Variants in CEP112 observed in about 807,000 individuals in gnomAD.
CEP112 encodes the protein centrosomal protein of 112 kDa.
A neutral mutation model predicts 153.0 loss-of-function variants in CEP112; 127 were observed. That is an observed-to-expected ratio of 0.83 (90% CI 0.72 to 0.96). The LOEUF (loss-of-function observed/expected upper bound fraction) is 0.96, where lower values mean the gene tolerates loss of function less well. Ranked by LOEUF, CEP112 falls within the 40% of genes least tolerant of loss-of-function variation. The pLI is 0.00. For missense variants in CEP112, 1,089 were observed against 1,101.2 expected (o/e 0.99, Z 0.16); for synonymous variants, 358 against 374.4 (o/e 0.96, Z 0.51).
intron 19 of CEP112, among the ~76,000 whole-genome samples, chr17:65,912,398 G>A (rs1423275266): frequency 6.6e-6 from 1 of 152,076 alleles, no homozygotes; most frequent in African/African-American, 2.4e-5. Context: ...CCTACTGTCG[G>A]CCCCGGAATA....
At chr17:65,947,055 T>C (rs1392907262) in intron 18 of CEP112, among the ~76,000 whole-genome samples, 1 of 152,200 alleles carries the variant, frequency 6.6e-6, no homozygotes, top group Non-Finnish European at 1.5e-5. Flanking sequence ...AAAATTTACT[T>C]GTATATTTAT....
Position 65,916,289 on chromosome 17 carries a change from G to GTGTGTGTGTGTGTATA in CEP112, c.1980+11292_1980+11293insTATACACACACACACA, listed in dbSNP as rs777844271. On this transcript the variant is annotated intron_variant, in intron 19 of 26. Transcript: ENST00000535342. ...TGTGTGTGTGTGTGTGTGTGTGTGT[G>GTGTGTGTGTGTGTATA]TGTATGTGTGGTAGGAGTAGTGGTG... 3.1e-4 allele frequency among the ~76,000 whole-genome samples: 46 copies of GTGTGTGTGTGTGTATA among 147,240 alleles called. 1 individual carries two copies. The highest frequency in any genetic ancestry group is 6.8e-5 in the Admixed American group (1 of 14,672).
chr17:65,831,417 C>T (rs1374935650), intron 21 of CEP112, among the ~76,000 whole-genome samples: 9 of 151,900 alleles, frequency 5.9e-5, no homozygotes, highest in East Asian at 3.9e-4. Flanking sequence ...ATTAGCTGGG[C>T]GTGGTGGTGG....
At chr17:66,006,741 C>G (rs1255732062) in intron 16 of CEP112, among the ~76,000 whole-genome samples, 1 of 152,090 alleles carries the variant, frequency 6.6e-6, no homozygotes, top group Admixed American at 6.5e-5. Context: ...AGGAATCAAA[C>G]AGCAGCCATG....
intron 18 of CEP112, among the ~76,000 whole-genome samples, chr17:65,937,583 C>G (rs1327625472): frequency 4.6e-5 from 4 of 87,026 alleles, no homozygotes; most frequent in African/African-American, 7.9e-5. Flanking sequence ...GGTCAGCCCC[C>G]CACCCGGCCA....
At chr17:66,001,435 T>A (rs73342667) in intron 17 of CEP112, among the ~76,000 whole-genome samples, 10,220 of 152,258 alleles carry the variant, frequency 0.067, 1,091 homozygotes, top group African/African-American at 0.22. Flanking sequence ...CTACTGTACA[T>A]ATACTTAATA....
At chr17:65,972,464 C>T (rs192613982) in intron 17 of CEP112, among the ~76,000 whole-genome samples, 108 of 152,228 alleles carry the variant, frequency 7.1e-4, no homozygotes, top group Non-Finnish European at 1.2e-3. Context: ...AAAACAATGG[C>T]ATTAGCTTTC....
At chr17:66,118,284 G>C (rs549429882) in intron 6 of CEP112, among the ~76,000 whole-genome samples, 1 of 152,208 alleles carries the variant, frequency 6.6e-6, no homozygotes, top group African/African-American at 2.4e-5. Flanking sequence ...ATTCACAGTA[G>C]CCAAGATATG....
At chr17:66,099,772 C>G (rs2068491751) in intron 6 of CEP112, among the ~76,000 whole-genome samples, 1 of 152,058 alleles carries the variant, frequency 6.6e-6, no homozygotes, top group African/African-American at 2.4e-5. Flanking sequence ...AAATCAAAAC[C>G]TGCCAGCAGA....
At chr17:66,088,845 T>TG (rs1031733701) in intron 8 of CEP112, among the ~76,000 whole-genome samples, 1 of 152,040 alleles carries the variant, frequency 6.6e-6, no homozygotes, top group Admixed American at 6.6e-5. Context: ...CTCAGGCCCC[T>TG]GGCCTGTCCC....
intron 17 of CEP112, among the ~76,000 whole-genome samples, chr17:65,998,057 A>G (rs932311686): frequency 1.3e-5 from 2 of 152,132 alleles, no homozygotes; most frequent in Admixed American, 6.6e-5. Flanking sequence ...ATTTGGTGCC[A>G]TGAGAGATCT....
At chr17:65,695,163 A>G (rs529317815) in intron 23 of CEP112, among the ~76,000 whole-genome samples, 1 of 152,350 alleles carries the variant, frequency 6.6e-6, no homozygotes, top group African/African-American at 2.4e-5. Context: ...AGAAAAATGT[A>G]AACGACATAA....
In CEP112 at chr17:65,912,396, C is replaced by T. The variant is rs576324091; in HGVS notation, c.1981-10062G>A. On this transcript the variant is annotated intron_variant, in intron 19 of 26. Transcript: ENST00000535342. ...GTTCCATAGCAGCATCTCCTACTGT[C>T]GGCCCCGGAATACAGAGGAAACCAC... Among the ~76,000 whole-genome samples, 70 of 152,258 alleles carry T rather than the reference C, an allele frequency of 4.6e-4. No homozygotes were observed. In the South Asian group the frequency reaches 0.014, roughly 31 times the overall value.
intron 20 of CEP112, among the ~76,000 whole-genome samples, chr17:65,865,438 T>C (rs560622022): frequency 1.3e-5 from 2 of 152,304 alleles, no homozygotes; most frequent in East Asian, 3.9e-4. Flanking sequence ...CGTACTATAT[T>C]GAGGAGGGCA....
At chr17:65,835,850 A>G (rs372613902) in intron 21 of CEP112, among the ~76,000 whole-genome samples, 1 of 152,242 alleles carries the variant, frequency 6.6e-6, no homozygotes, top group African/African-American at 2.4e-5. Flanking sequence ...GGAAGCACTT[A>G]AACCACTATG....
chr17:65,905,075 A>G (rs1443099745), intron 19 of CEP112, among the ~76,000 whole-genome samples: 1 of 152,216 alleles, frequency 6.6e-6, no homozygotes, highest in Non-Finnish European at 1.5e-5. Context: ...ACCAAAAGCA[A>G]TGGCAACAAA....
chr17:65,985,872 A>G (rs2063389333), intron 17 of CEP112, among the ~76,000 whole-genome samples: 1 of 151,608 alleles, frequency 6.6e-6, no homozygotes, highest in South Asian at 2.1e-4. Context: ...TAAGAAATCA[A>G]GTTTCAAAGT....
At chr17:65,786,572 CTTTTTTTTT>C (rs1195368604) in intron 21 of CEP112, among the ~76,000 whole-genome samples, 1 of 101,632 alleles carries the variant, frequency 9.8e-6, no homozygotes, top group African/African-American at 3.8e-5. Context: ...TTAGCCAATT[CTTTTTTTTT>C]TTTTTTTTTT....
At chr17:65,790,597 C>A (rs1301535360) in intron 21 of CEP112, among the ~76,000 whole-genome samples, 2 of 152,162 alleles carry the variant, frequency 1.3e-5, no homozygotes, top group African/African-American at 2.4e-5. Flanking sequence ...GTCCTCAGCT[C>A]CTTCGATCCT....
Sources: allele counts gnomAD v4.1 joint callset (sites outside exome capture counted in the v4.1 genomes callset), GRCh38; gene constraint gnomAD v4.1.1; transcripts MANE v1.5; gene names NCBI Gene and HGNC (gene_info 2026-07-23, HGNC 2026-07-21).